Variants in NTRK3 observed in about 807,000 individuals in gnomAD.
NTRK3 encodes NT-3 growth factor receptor.
Under a neutral mutation model 91.7 loss-of-function variants are expected in NTRK3, and 24 were observed. The observed-to-expected ratio is 0.26, with a 90% CI of 0.19 to 0.37. The LOEUF (loss-of-function observed/expected upper bound fraction) is 0.37, where lower values mean the gene tolerates loss of function less well. Ranked by LOEUF, NTRK3 falls within the 10% of genes least tolerant of loss-of-function variation. NTRK3 has a pLI of 1.00. For synonymous variants in NTRK3, 483 were observed against 404.0 expected (o/e 1.20, Z -2.34); for missense variants, 880 against 1,068.9 (o/e 0.82, Z 2.46).
exon 19 of NTRK3, chr15:87,867,236 G>A (rs2141393332): frequency 8.9e-6 from 2 of 225,720 alleles, no homozygotes; most frequent in East Asian, 1.3e-4. Flanking sequence ...TTTCCTCTCT[G>A]AAAACCTAGG....
chr15:87,860,854 A>T (rs2064506447), exon 19 of NTRK3: 1 of 217,456 alleles, frequency 4.6e-6, no homozygotes. Context: ...CAAATGAGGA[A>T]CTATCAATTG....
intron 5 of NTRK3, among the ~76,000 whole-genome samples, chr15:88,150,478 T>A (rs931786143): frequency 6.6e-6 from 1 of 152,142 alleles, no homozygotes; most frequent in Admixed American, 6.5e-5. Flanking sequence ...AAGGGGGAAG[T>A]GGGCTCCTAC....
At chr15:87,880,373 T>C (rs2065175762) in exon 18 of NTRK3, 2 of 1,614,004 alleles carry the variant, frequency 1.2e-6, no homozygotes, top group Non-Finnish European at 1.7e-6. Flanking sequence ...GAACTTCCGG[T>C]ACATGATGCT....
chr15:88,248,306 A>C (rs896705166), intron 3 of NTRK3, among the ~76,000 whole-genome samples: 2 of 152,136 alleles, frequency 1.3e-5, no homozygotes, highest in South Asian at 4.1e-4. Flanking sequence ...GGAGAGACCA[A>C]AAGCCTCCCC....
chr15:88,230,451 CT>C (rs2051084085), intron 3 of NTRK3, among the ~76,000 whole-genome samples: 1 of 152,144 alleles, frequency 6.6e-6, no homozygotes, highest in South Asian at 2.1e-4. Context: ...TGTTTGCCCC[CT>C]AACAGGCAGG....
At chr15:88,107,015 C>G (rs949619413) in intron 13 of NTRK3, among the ~76,000 whole-genome samples, 3 of 151,198 alleles carry the variant, frequency 2.0e-5, no homozygotes, top group Non-Finnish European at 4.4e-5. Flanking sequence ...TGCATATGTA[C>G]ATATATACAT....
chr15:88,110,127 T>A (rs1162106154), intron 13 of NTRK3, among the ~76,000 whole-genome samples: 2 of 152,012 alleles, frequency 1.3e-5, no homozygotes, highest in Non-Finnish European at 2.9e-5. Flanking sequence ...CTCTAAATTT[T>A]AATGAGCCCC....
intron 13 of NTRK3, among the ~76,000 whole-genome samples, chr15:88,117,917 C>G (rs1007550290): frequency 6.6e-6 from 1 of 152,200 alleles, no homozygotes; most frequent in Non-Finnish European, 1.5e-5. Context: ...GCAGACACAC[C>G]TGCTTGCTGG....
chr15:88,108,889 C>T (rs931568647), intron 13 of NTRK3, among the ~76,000 whole-genome samples: 1 of 152,202 alleles, frequency 6.6e-6, no homozygotes, highest in Non-Finnish European at 1.5e-5. Context: ...CCCAGGGCTC[C>T]ACGTGCACCA....
At chr15:88,164,515 C>T (rs986613866) in intron 5 of NTRK3, among the ~76,000 whole-genome samples, 6 of 152,206 alleles carry the variant, frequency 3.9e-5, no homozygotes, top group African/African-American at 1.2e-4. Flanking sequence ...CAGAGTACAT[C>T]TGACAGCTAT....
rs2047471535 is a variant in NTRK3, at chr15:88,075,596, T to C, written c.1397-42551A>G. On this transcript the variant is annotated intron_variant, in intron 13 of 18. Transcript: ENST00000394480. The stretch of plus-strand genomic sequence containing the variant: ...AAAGGAGAAGTCTCCCTTTTTTCTT[T>C]ATGTTTGTTGTTGTTGTTGTTGTTG... Among the ~76,000 whole-genome samples the C allele has an allele frequency of 3.3e-5, 5 of 152,112 alleles. No individual in the cohort carries two copies. The South Asian group carries it at 1.0e-3, about 32-fold the overall frequency.
At chr15:87,929,556 C>G in intron 16 of NTRK3, 122 bp from the exon 17 acceptor site, 1 of 1,277,662 alleles carries the variant, frequency 7.8e-7, no homozygotes, top group Non-Finnish European at 1.1e-6. Flanking sequence ...CCCTTTCCAT[C>G]CTGCCTATGG....
chr15:88,086,774 T>C (rs1247477346), intron 13 of NTRK3, among the ~76,000 whole-genome samples: 1 of 152,182 alleles, frequency 6.6e-6, no homozygotes, highest in Non-Finnish European at 1.5e-5. Context: ...ACGATTATTG[T>C]AGCAAGAGGG....
chr15:88,079,319 A>G lies in NTRK3; in HGVS notation c.1397-46274T>C, dbSNP rs1031133842. Among the ~76,000 whole-genome samples the G allele has an allele frequency of 2.6e-5, 4 of 152,362 alleles. No homozygotes were observed. The East Asian group carries it at 5.8e-4, about 22-fold the overall frequency. ...TAGCACAGAGCAGGTCCTCACACAC[A>G]TTAGAGCTTTTCTCCCTTCCCCAGC... On this transcript the variant is annotated intron_variant, in intron 13 of 18. Transcript: ENST00000394480.
chr15:88,224,414 C>T (rs1353364835), intron 3 of NTRK3, among the ~76,000 whole-genome samples: 3 of 152,194 alleles, frequency 2.0e-5, no homozygotes, highest in Admixed American at 1.3e-4. Context: ...GTCTGCATTC[C>T]GGGGCCTCAA....
At chr15:88,230,370 G>T (rs1215873303) in intron 3 of NTRK3, among the ~76,000 whole-genome samples, 9 of 152,120 alleles carry the variant, frequency 5.9e-5, no homozygotes, top group Non-Finnish European at 1.3e-4. Flanking sequence ...CCTCACCTCT[G>T]CAGAGCACAT....
intron 14 of NTRK3, among the ~76,000 whole-genome samples, chr15:88,001,907 T>C (rs775161982): frequency 5.3e-5 from 8 of 152,206 alleles, no homozygotes; most frequent in Non-Finnish European, 8.8e-5. Flanking sequence ...TGGTTAAATC[T>C]GCAGGTCAAT....
chr15:87,986,551 G>A (rs2074811514), intron 14 of NTRK3, among the ~76,000 whole-genome samples: 1 of 152,172 alleles, frequency 6.6e-6, no homozygotes, highest in South Asian at 2.1e-4. Flanking sequence ...TTTGTTCTGT[G>A]TAAGTTTAAG....
exon 19 of NTRK3, chr15:87,868,728 G>A (rs774703914): frequency 4.5e-6 from 1 of 221,378 alleles, no homozygotes; most frequent in Non-Finnish European, 9.0e-6. Context: ...CCACAATGTG[G>A]AATTATAGAG....
Sources: gnomAD v4.1 joint callset for allele counts (sites outside exome capture counted in the v4.1 genomes callset) on GRCh38, gnomAD v4.1.1 for gene constraint, MANE v1.5 for transcripts, NCBI Gene and HGNC (gene_info 2026-07-23, HGNC 2026-07-21) for gene names.